Variants in NLRP5 observed in about 807,000 individuals in gnomAD.
NLRP5 encodes the protein NLR family pyrin domain containing 5.
NLRP5 carries 93 observed loss-of-function variants against 113.1 expected under a neutral mutation model. That is an observed-to-expected ratio of 0.82 (90% CI 0.70 to 0.98). NLRP5 has a LOEUF of 0.98. Among genes scored for constraint, NLRP5 ranks in the 50% least tolerant of loss-of-function variants. NLRP5 has a pLI of 0.00. For synonymous variants in NLRP5, 751 were observed against 600.7 expected, an observed-to-expected ratio of 1.25 and a Z score of -3.66; for missense variants, 1,808 against 1,514.3, an observed-to-expected ratio of 1.19 and a Z score of -3.22.
In NLRP5 at chr19:56,015,679, A is replaced by G. The variant is rs1002028393; in HGVS notation, c.509-63A>G. The G allele has an allele frequency of 5.1e-6, 7 of 1,365,640 alleles. No individual in the cohort carries two copies. The African/African-American group carries it at 8.7e-5, about 17-fold the overall frequency. The allele number at this position is 1,365,640 out of a possible 1,614,324, so 84.6% of individuals were successfully genotyped here. On this transcript the variant is annotated intron_variant, in intron 3 of 14. Coordinates refer to ENST00000390649, the MANE Select transcript of NLRP5 (RefSeq NM_153447.4). ...ACTAAGTTTATCTGGGGTGTCCAACATCTCTGATTTGAATAATATACACAG... is the reference window on the plus strand; with the variant it reads ...ACTAAGTTTATCTGGGGTGTCCAACGTCTCTGATTTGAATAATATACACAG...
chr19:56,013,435 G>A (rs1001093913), intron 3 of NLRP5, among the ~76,000 whole-genome samples: 1 of 151,662 alleles, frequency 6.6e-6, no homozygotes, highest in Non-Finnish European at 1.5e-5. Context: ...CTTGTGATCT[G>A]CCCACCTCAG....
chr19:56,043,759 A>G (rs1340272584), intron 11 of NLRP5, among the ~76,000 whole-genome samples: 1 of 150,756 alleles, frequency 6.6e-6, no homozygotes, highest in East Asian at 2.0e-4. Context: ...GTGTGTTTTT[A>G]GTAGAGACAG....
upstream of NLRP5, among the ~76,000 whole-genome samples, chr19:55,996,151 TCTGG>T (rs1363424675): frequency 6.6e-6 from 1 of 152,176 alleles, no homozygotes; most frequent in East Asian, 1.9e-4. Flanking sequence ...CCCTAATTGC[TCTGG>T]CTAAGACTTC....
intron 3 of NLRP5, among the ~76,000 whole-genome samples, chr19:56,014,460 C>T (rs143994246): frequency 1.5e-5 from 2 of 134,858 alleles, no homozygotes; most frequent in East Asian, 4.2e-4. Flanking sequence ...AGCCTGGTGA[C>T]AGAGAAACGC....
intron 13 of NLRP5, among the ~76,000 whole-genome samples, chr19:56,057,966 T>C (rs899735397): frequency 4.0e-5 from 6 of 149,886 alleles, no homozygotes; most frequent in African/African-American, 1.5e-4. Flanking sequence ...GGTAGAAGGT[T>C]GCAGTGAGCC....
intron 5 of NLRP5, 138 bp from the exon 6 acceptor site, chr19:56,020,237 C>T: frequency 4.2e-6 from 4 of 946,266 alleles, no homozygotes; most frequent in Non-Finnish European, 3.3e-6. Context: ...TGCACTCTGT[C>T]TTCTAGTTGA....
rs1599903983 is a variant in NLRP5, at chr19:56,042,570, A to G, written c.2957+1478A>G. ...CACCATGTTGTCTAGGCTTGTCTTG[A>G]ACTCCTGACCACAGGTGATCTGCCT... On this transcript the variant is annotated intron_variant, in intron 11 of 14. Transcript: ENST00000390649. 6.0e-5 allele frequency among the ~76,000 whole-genome samples: 9 copies of G among 150,662 alleles called. No homozygotes were observed. In the South Asian group the frequency reaches 1.9e-3, roughly 32 times the overall value.
chr19:56,056,926 G>A (rs1984175758), intron 13 of NLRP5, among the ~76,000 whole-genome samples: 2 of 152,130 alleles, frequency 1.3e-5, no homozygotes, highest in African/African-American at 2.4e-5. Flanking sequence ...GATCACTTGA[G>A]GTCAGGAGTT....
intron 7 of NLRP5, among the ~76,000 whole-genome samples, chr19:56,032,128 T>C (rs1398268330): frequency 6.6e-6 from 1 of 152,082 alleles, no homozygotes; most frequent in African/African-American, 2.4e-5. Flanking sequence ...GGGCAGATCA[T>C]GAGATCAGGA....
In NLRP5 at chr19:56,027,692, G is replaced by T. The variant is rs773745964; in HGVS notation, c.1459G>T (p.Val487Leu). 6.8e-6 allele frequency: 11 copies of T among 1,613,434 alleles called. No homozygotes were observed. The highest frequency in any genetic ancestry group is 9.3e-6 in the Non-Finnish European group (11 of 1,179,892). ...CGTGGCCCTGCAGCTGCAGGACGTG[G>T]TGGGGGAGAGCGTCGCCCCCTTCAA... Residue 487 changes from valine to leucine, a missense_variant, in exon 7 of 15, where the codon GTG (valine) becomes TTG (leucine). Transcript: ENST00000390649.
chr19:56,027,662 A>T lies in NLRP5; in HGVS notation c.1429A>T (p.Ile477Phe). 6.2e-7 allele frequency: 1 copy of T among 1,613,020 alleles called. No individual in the cohort carries two copies. Residue 477 changes from isoleucine to phenylalanine, a missense_variant, in exon 7 of 15, where the codon ATC (isoleucine) becomes TTC (phenylalanine). Physicochemically the swap from Ile to Phe is conservative, Grantham distance 21. Coordinates refer to ENST00000390649, the MANE Select transcript of NLRP5 (RefSeq NM_153447.4). ...CCAGGTGCCCGCCGTGGGCTCTCTC[A>T]TCTGCGTGGCCCTGCAGCTGCAGGA...
chr19:55,995,785 ATAT>A (rs1490183784), upstream of NLRP5, among the ~76,000 whole-genome samples: 2 of 151,944 alleles, frequency 1.3e-5, no homozygotes, highest in African/African-American at 4.8e-5. Context: ...TTTACTATAG[ATAT>A]TTCTTACCTC....
rs1369403743 is a variant in NLRP5, at chr19:56,009,429, T to G, written c.508+576T>G. Among the ~76,000 whole-genome samples, 3 of 150,954 alleles carry G rather than the reference T, an allele frequency of 2.0e-5. No homozygotes were observed. The East Asian group carries it at 5.9e-4, about 30-fold the overall frequency. ...ATCGTCTTCAGTTTGGGTAACCTTA[T>G]GACCCCACTATGACAAGCTCCTCCC... On this transcript the variant is annotated intron_variant, in intron 3 of 14. Coordinates refer to ENST00000390649, the MANE Select transcript of NLRP5 (RefSeq NM_153447.4).
At chr19:56,001,416 C>T (rs922606623) in intron 1 of NLRP5, among the ~76,000 whole-genome samples, 1 of 151,900 alleles carries the variant, frequency 6.6e-6, no homozygotes, top group South Asian at 2.1e-4. Context: ...CCTCTACCCT[C>T]CTTTAAATAT....
Position 56,021,025 on chromosome 19 carries a change from C to A in NLRP5, c.679+594C>A, listed in dbSNP as rs539821858. ...AGTAGCTGGGATTACAGGCCTGCCACCATGCCCGACTAATTTTTGTATTTT... is the reference window on the plus strand; with the variant it reads ...AGTAGCTGGGATTACAGGCCTGCCAACATGCCCGACTAATTTTTGTATTTT... On this transcript the variant is annotated intron_variant, in intron 6 of 14. Coordinates refer to ENST00000390649, the MANE Select transcript of NLRP5 (RefSeq NM_153447.4). 3.9e-4 allele frequency among the ~76,000 whole-genome samples: 59 copies of A among 152,084 alleles called. 1 individual carries two copies. Among genetic ancestry groups the A allele is most frequent in the Admixed American group, 3.7e-3 (57 of 15,258 alleles).
chr19:56,043,232 A>T (rs1014963271), intron 11 of NLRP5, among the ~76,000 whole-genome samples: 3 of 152,060 alleles, frequency 2.0e-5, no homozygotes, highest in Non-Finnish European at 4.4e-5. Flanking sequence ...AGCAGAGTGG[A>T]TGCGTTCCCT....
In NLRP5 at chr19:56,061,715, A is replaced by G; in HGVS notation, c.*187A>G. On this transcript the variant is annotated 3_prime_UTR_variant, in exon 15 of 15. Transcript: ENST00000390649. Reference sequence around the variant, plus strand: ...ACGTTGGTTACTGGATTTGAAGGCTAGAGACCTTCAAGTCATAGGACTCAG... The same window carrying G: ...ACGTTGGTTACTGGATTTGAAGGCTGGAGACCTTCAAGTCATAGGACTCAG... The G allele has an allele frequency of 4.8e-6, 3 of 629,892 alleles. No homozygotes were observed. The highest frequency in any genetic ancestry group is 8.3e-6 in the Non-Finnish European group (3 of 363,154). 39.0% of individuals were successfully genotyped at this position (629,892 alleles called of 1,614,324 possible).
At chr19:56,049,434 G>A (rs562971417) in intron 11 of NLRP5, among the ~76,000 whole-genome samples, 1 of 152,100 alleles carries the variant, frequency 6.6e-6, no homozygotes, top group Admixed American at 6.6e-5. Context: ...ACCCACCTCA[G>A]CCACCCAAAG....
In NLRP5 at chr19:56,030,714, CTTTTTT is replaced by C. The variant is rs770624516; in HGVS notation, c.2277-1884_2277-1879del. 1.5e-4 allele frequency among the ~76,000 whole-genome samples: 11 copies of C among 71,356 alleles called. No individual in the cohort carries two copies. The South Asian group carries it at 5.0e-3, about 32-fold the overall frequency. The allele number at this position is 71,356 out of a possible 152,430, so 46.8% of individuals were successfully genotyped here. A position where few individuals can be genotyped will look rare whatever the true frequency, so the allele number is the denominator to read the frequency against. ...ACTTACATTCATTCGCTTTCTTCTTCTTTTTTTTTTTTTTTTTTGAGACGGAGTCTT... is the reference window on the plus strand; with the variant it reads ...ACTTACATTCATTCGCTTTCTTCTTCTTTTTTTTTTTTGAGACGGAGTCTT... On this transcript the variant is annotated intron_variant, in intron 7 of 14. Transcript: ENST00000390649.
Sources: gnomAD v4.1 joint callset for allele counts (sites outside exome capture counted in the v4.1 genomes callset) on GRCh38, gnomAD v4.1.1 for gene constraint, MANE v1.5 for transcripts, NCBI Gene and HGNC (gene_info 2026-07-23, HGNC 2026-07-21) for gene names.